ACKR5: variants seen among roughly 807,000 people sequenced by gnomAD.
The protein encoded by ACKR5 is G protein-coupled receptor 182.
chr12:56,995,057 T>G, the ACKR5 span: 37 of 675,146 alleles, frequency 5.5e-5, 1 homozygote, highest in South Asian at 5.9e-4. This position sits in a 1 kb window ranked among gnomAD's most constrained non-coding sequence, Gnocchi z 4.7. Flanking sequence ...TATTCACAGT[T>G]TGAAAGCTAA....
At chr12:56,996,489 T>TG in the ACKR5 span, 1 of 1,452,482 alleles carries the variant, frequency 6.9e-7, no homozygotes, top group African/African-American at 1.4e-5. Context: ...GTGGGAGATT[T>TG]GGGGGGATGT....
At chr12:56,995,470 GATGAACCTCTACATCCTCAACAT>G in the ACKR5 span, 1 of 1,614,184 alleles carries the variant, frequency 6.2e-7, no homozygotes, top group Non-Finnish European at 8.5e-7. The surrounding 1 kb of genome is among the most constrained non-coding windows in gnomAD (Gnocchi z 4.7). Flanking sequence ...GGGCAGGGCT[GATGAACCTCTACATCCTCAACAT>G]GGCCATCGCG....
chr12:56,996,237 A>G, the ACKR5 span: 3 of 1,614,184 alleles, frequency 1.9e-6, no homozygotes, highest in Admixed American at 3.3e-5. Flanking sequence ...CCTAAGGACC[A>G]GACCAAGGCG....
the ACKR5 span, chr12:56,995,786 C>T: frequency 6.2e-7 from 1 of 1,614,154 alleles, no homozygotes; most frequent in Non-Finnish European, 8.5e-7. This position sits in a 1 kb window ranked among gnomAD's most constrained non-coding sequence, Gnocchi z 4.7. Context: ...GGTCCACATC[C>T]AGCTGGTGGA....
At chr12:56,995,874 C>G in the ACKR5 span, 3 of 1,612,604 alleles carry the variant, frequency 1.9e-6, no homozygotes, top group Non-Finnish European at 2.5e-6. This position sits in a 1 kb window ranked among gnomAD's most constrained non-coding sequence, Gnocchi z 4.7. Flanking sequence ...GCCCTGTCCA[C>G]CACCATCCTG....
the ACKR5 span, chr12:56,996,231 A>C: frequency 6.2e-7 from 1 of 1,614,074 alleles, no homozygotes; most frequent in Non-Finnish European, 8.5e-7. Context: ...TACCTTCCTA[A>C]GGACCAGACC....
chr12:56,996,304 G>T, the ACKR5 span: 1 of 1,614,006 alleles, frequency 6.2e-7, no homozygotes, highest in African/African-American at 1.3e-5. Context: ...TCATCACCAA[G>T]GGTGATAGCC....
the ACKR5 span, chr12:56,997,627 G>T: frequency 2.6e-5 from 4 of 152,340 alleles, no homozygotes; most frequent in Admixed American, 2.6e-4. Context: ...AAAGGCCTAA[G>T]AACAGGATCT....
At chr12:56,995,773 G>T in the ACKR5 span, 5 of 1,614,002 alleles carry the variant, frequency 3.1e-6, no homozygotes, top group Non-Finnish European at 4.2e-6. This position sits in a 1 kb window ranked among gnomAD's most constrained non-coding sequence, Gnocchi z 4.7. Context: ...CGCTGCCTGA[G>T]GTGGTCCACA....
At chr12:56,997,517 C>G in the ACKR5 span, 2 of 152,224 alleles carry the variant, frequency 1.3e-5, no homozygotes, top group Admixed American at 6.5e-5. Flanking sequence ...ACTTGTTCTA[C>G]AGATGAAACA....
the ACKR5 span, among the ~76,000 whole-genome samples, chr12:56,995,020 G>A: frequency 6.6e-6 from 1 of 152,298 alleles, no homozygotes; most frequent in African/African-American, 2.4e-5. This position sits in a 1 kb window ranked among gnomAD's most constrained non-coding sequence, Gnocchi z 4.7. Flanking sequence ...TCTTGGGTCA[G>A]AGCTAGCAAG....
At chr12:56,995,909 A>T in the ACKR5 span, 1 of 1,612,650 alleles carries the variant, frequency 6.2e-7, no homozygotes, top group Non-Finnish European at 8.5e-7. The surrounding 1 kb of genome is among the most constrained non-coding windows in gnomAD (Gnocchi z 4.7). Context: ...CTTCCCTCTC[A>T]TCACAGTCTT....
chr12:56,995,157 T>G, the ACKR5 span: 1 of 1,547,066 alleles, frequency 6.5e-7, no homozygotes, highest in Non-Finnish European at 8.8e-7. This position sits in a 1 kb window ranked among gnomAD's most constrained non-coding sequence, Gnocchi z 4.7. Context: ...GCTCTCGAGG[T>G]CTGCTTTCCC....
the ACKR5 span, among the ~76,000 whole-genome samples, chr12:56,994,923 G>A: frequency 7.7e-6 from 1 of 130,452 alleles, no homozygotes; most frequent in Non-Finnish European, 1.6e-5. Flanking sequence ...TGTTGAGGGG[G>A]AACTGGCTGG....
At chr12:56,997,526 C>G in the ACKR5 span, 1 of 152,142 alleles carries the variant, frequency 6.6e-6, no homozygotes, top group Non-Finnish European at 1.5e-5. Context: ...ACAGATGAAA[C>G]AAAAAAGTCC....
At chr12:56,996,124 T>C in the ACKR5 span, 1 of 1,613,962 alleles carries the variant, frequency 6.2e-7, no homozygotes, top group Admixed American at 1.7e-5. Context: ...ATGATGTCAT[T>C]GACTGCTTCT....
chr12:56,997,923 G>A, the ACKR5 span: 1 of 152,242 alleles, frequency 6.6e-6, no homozygotes, highest in African/African-American at 2.4e-5. Context: ...CTGTTTACTG[G>A]GCCCAAACCT....
At chr12:56,995,846 A>G in the ACKR5 span, 2 of 1,613,530 alleles carry the variant, frequency 1.2e-6, no homozygotes, top group Non-Finnish European at 1.7e-6. The surrounding 1 kb of genome is among the most constrained non-coding windows in gnomAD (Gnocchi z 4.7). Context: ...AACGTACAGC[A>G]CCTGGGCCCT....
At chr12:56,996,663 T>C in the ACKR5 span, 2 of 468,188 alleles carry the variant, frequency 4.3e-6, no homozygotes, top group Non-Finnish European at 3.8e-6. Context: ...AAAGGTGAAA[T>C]AAATGGAAGA....
Sources: allele counts gnomAD v4.1 joint callset (sites outside exome capture counted in the v4.1 genomes callset), GRCh38; gene constraint gnomAD v4.1.1; non-coding constraint Gnocchi (gnomAD v3.1); transcripts MANE v1.5; gene names NCBI Gene and HGNC (gene_info 2026-07-23, HGNC 2026-07-21).